Variants in PCLO observed in about 807,000 individuals in gnomAD.
The protein encoded by PCLO is piccolo presynaptic cytomatrix protein, also known as protein piccolo.
PCLO carries 82 observed loss-of-function variants against 427.5 expected under a neutral mutation model. The ratio of observed to expected loss-of-function variants is 0.19; its 90% CI spans 0.16 to 0.23. The LOEUF is 0.23. PCLO is among the 10% of genes least tolerant of loss of function. The pLI, the probability that PCLO is intolerant of heterozygous loss-of-function variation, is 1.00. For missense variants in PCLO, 6,239 were observed against 6,115.9 expected (o/e 1.02, Z -0.67); for synonymous variants, 2,357 against 2,155.4 (o/e 1.09, Z -2.59).
At chr7:83,012,677 T>C (rs1788112618) in intron 3 of PCLO, among the ~76,000 whole-genome samples, 1 of 148,398 alleles carries the variant, frequency 6.7e-6, no homozygotes, top group South Asian at 2.1e-4. Context: ...ATGAAACCCC[T>C]TGGGGTTCAA....
intron 3 of PCLO, among the ~76,000 whole-genome samples, chr7:82,970,976 T>C (rs549000775): frequency 7.9e-5 from 12 of 151,966 alleles, no homozygotes; most frequent in African/African-American, 2.9e-4. Flanking sequence ...CTCTATAACC[T>C]AAACATCTGT....
At chr7:82,985,632 T>C (rs1386433692) in intron 3 of PCLO, among the ~76,000 whole-genome samples, 1 of 151,954 alleles carries the variant, frequency 6.6e-6, no homozygotes, top group Non-Finnish European at 1.5e-5. Flanking sequence ...GAGTCAAAAT[T>C]GGCAATGCAT....
chr7:82,957,902 G>C (rs562404309), intron 4 of PCLO, among the ~76,000 whole-genome samples: 1 of 152,264 alleles, frequency 6.6e-6, no homozygotes, highest in Non-Finnish European at 1.5e-5. Flanking sequence ...TGCCTTTCTT[G>C]GGCTATGATG....
chr7:82,971,472 G>T (rs555331670), intron 3 of PCLO, among the ~76,000 whole-genome samples: 1 of 149,092 alleles, frequency 6.7e-6, no homozygotes, highest in East Asian at 2.0e-4. Flanking sequence ...TAAAACTGCT[G>T]GTGGTCTATT....
chr7:82,853,598 A>C lies in PCLO; in HGVS notation c.13655-6351T>G, dbSNP rs569136999. ...AGAGCTCTGTGTAATATTTACCATT[A>C]AAAATTAAAATTTGCCTATCTCTCA... On this transcript the variant is annotated intron_variant, in intron 10 of 24. Coordinates refer to ENST00000333891, the MANE Select transcript of PCLO (RefSeq NM_033026.6). Among the ~76,000 whole-genome samples, 493 of 152,270 alleles carry C rather than the reference A, an allele frequency of 3.2e-3. 4 individuals carry two copies. Among genetic ancestry groups the C allele is most frequent in the Non-Finnish European group, 5.4e-3 (365 of 68,002 alleles).
At chr7:83,106,062 G>A (rs1327610412) in intron 3 of PCLO, among the ~76,000 whole-genome samples, 1 of 152,212 alleles carries the variant, frequency 6.6e-6, no homozygotes, top group African/African-American at 2.4e-5. Flanking sequence ...AAGAGATCGA[G>A]ATGCAGAAGC....
intron 3 of PCLO, among the ~76,000 whole-genome samples, chr7:83,125,179 G>A (rs1163726775): frequency 8.6e-5 from 13 of 151,780 alleles, no homozygotes; most frequent in South Asian, 4.2e-4. Flanking sequence ...CCGCCACCCC[G>A]TCTAGGAAGT....
intron 6 of PCLO, among the ~76,000 whole-genome samples, chr7:82,923,920 C>T (rs1794653812): frequency 6.6e-6 from 1 of 151,956 alleles, no homozygotes; most frequent in African/African-American, 2.4e-5. Context: ...GCATCTCTGG[C>T]TTGTACCCAC....
intron 8 of PCLO, among the ~76,000 whole-genome samples, chr7:82,908,456 C>T (rs1187135324): frequency 1.3e-5 from 2 of 152,056 alleles, no homozygotes; most frequent in South Asian, 2.1e-4. Context: ...CCAGGTTAAG[C>T]GTTCTTTCTA....
intron 3 of PCLO, among the ~76,000 whole-genome samples, chr7:82,968,914 G>A (rs1372999356): frequency 6.6e-6 from 1 of 152,100 alleles, no homozygotes; most frequent in Non-Finnish European, 1.5e-5. Context: ...ATACAGGTGG[G>A]TATTAAGCAT....
At chr7:83,079,142 T>C (rs1377302968) in intron 3 of PCLO, among the ~76,000 whole-genome samples, 1 of 152,048 alleles carries the variant, frequency 6.6e-6, no homozygotes, top group Non-Finnish European at 1.5e-5. Flanking sequence ...GGGATGGAAT[T>C]AAAATTAGGA....
At chr7:83,124,134 C>A (rs1791362395) in intron 3 of PCLO, among the ~76,000 whole-genome samples, 1 of 151,270 alleles carries the variant, frequency 6.6e-6, no homozygotes, top group Non-Finnish European at 1.5e-5. Context: ...CATGGTGAAA[C>A]CCTGTCTCTA....
At chr7:82,782,748 A>G (rs576592767) in intron 22 of PCLO, among the ~76,000 whole-genome samples, 2 of 152,300 alleles carry the variant, frequency 1.3e-5, no homozygotes, top group East Asian at 3.9e-4. Context: ...TTTCAAGCAA[A>G]ACTCTTCTAA....
At position 83,066,736 on chromosome 7, in the gene PCLO, T is replaced by C. The variant is rs892997977; in HGVS notation, c.3300+67514A>G. Among the ~76,000 whole-genome samples the C allele has an allele frequency of 5.3e-5, 8 of 152,156 alleles. 1 individual carries two copies. Among genetic ancestry groups the C allele is most frequent in the Admixed American group, 2.6e-4 (4 of 15,266 alleles). The stretch of plus-strand genomic sequence containing the variant: ...TTTTGCAACATGTTCTGTCAAGATA[T>C]CTCACTAAAATCAGCTCTGAGGAAT... On this transcript the variant is annotated intron_variant, in intron 3 of 24. Transcript: ENST00000333891.
At chr7:82,921,929 T>C (rs1239816038) in intron 6 of PCLO, among the ~76,000 whole-genome samples, 1 of 151,458 alleles carries the variant, frequency 6.6e-6, no homozygotes, top group Non-Finnish European at 1.5e-5. Flanking sequence ...AGGGCATAAG[T>C]AGACATTTCT....
intron 22 of PCLO, among the ~76,000 whole-genome samples, chr7:82,776,778 C>T (rs6955687): frequency 6.6e-6 from 1 of 151,728 alleles, no homozygotes; most frequent in Non-Finnish European, 1.5e-5. Context: ...CTGGAAGACA[C>T]AGCGAGACTC....
At chr7:82,879,234 G>A (rs1793443089) in intron 10 of PCLO, 103 bp downstream of exon 10, 2 of 977,432 alleles carry the variant, frequency 2.0e-6, no homozygotes, top group Non-Finnish European at 2.9e-6. Flanking sequence ...AAGGAGAGAG[G>A]TTTACCTACA....
chr7:82,950,688 T>C lies in PCLO; in HGVS notation c.9900A>G (p.Gln3300=), dbSNP rs2116422782. Residue 3300 remains glutamine (Q), a synonymous_variant, in exon 6 of 25, where the codon CAA becomes CAG. Transcript: ENST00000333891. ...CCTCCAGCTGCTGGTGAAGCTGTTGTTGCAGCTGTTGGATCTGCTCAAGCT... is the reference window on the plus strand; with the variant it reads ...CCTCCAGCTGCTGGTGAAGCTGTTGCTGCAGCTGTTGGATCTGCTCAAGCT... ...QLQLEQIQQL[Q]QQLHQQLEEQ... 1 of 1,613,792 alleles carries C rather than the reference T, an allele frequency of 6.2e-7. No homozygotes were observed.
At chr7:83,005,487 A>C (rs1434221900) in intron 3 of PCLO, among the ~76,000 whole-genome samples, 3 of 151,594 alleles carry the variant, frequency 2.0e-5, no homozygotes, top group Non-Finnish European at 3.0e-5. Flanking sequence ...AGTTTTGGAG[A>C]TCTAAAGTAC....
Sources: gnomAD v4.1 joint callset for allele counts (sites outside exome capture counted in the v4.1 genomes callset) on GRCh38, gnomAD v4.1.1 for gene constraint, MANE v1.5 for transcripts, NCBI Gene and HGNC (gene_info 2026-07-23, HGNC 2026-07-21) for gene names.